The following SF3B1 variants were observed in gnomAD, a reference collection of about 807,000 sequenced individuals.
SF3B1 encodes the protein splicing factor 3b subunit 1.
SF3B1 carries 12 observed loss-of-function variants against 153.8 expected under a neutral mutation model. The observed-to-expected ratio is 0.08, with a 90% confidence interval of 0.05 to 0.13. The LOEUF (loss-of-function observed/expected upper bound fraction) is 0.13, where lower values mean the gene tolerates loss of function less well. Ranked by LOEUF, SF3B1 falls within the 10% of genes least tolerant of loss-of-function variation. SF3B1 has a pLI of 1.00. For missense variants in SF3B1, 513 were observed against 1,606.1 expected, an observed-to-expected ratio of 0.32 and a Z score of 11.63; for synonymous variants, 498 against 525.2, an observed-to-expected ratio of 0.95 and a Z score of 0.71.
In SF3B1 at chr2:197,401,663, T is replaced by A. The variant is rs2084938583; in HGVS notation, c.2370+79A>T. The A allele has an allele frequency of 1.3e-6, 2 of 1,520,244 alleles. No individual in the cohort carries two copies. The highest frequency in any genetic ancestry group is 1.8e-6 in the Non-Finnish European group (2 of 1,119,902). The allele number at this position is 1,520,244 out of a possible 1,614,324, so 94.2% of individuals were successfully genotyped here. On this transcript the variant is annotated intron_variant, in intron 16 of 24. Transcript: ENST00000335508. This position sits in a 1 kb window ranked among gnomAD's most constrained non-coding sequence, Gnocchi z 4.2. ...TCGTGTAACATACAGTTTTTTTTGTTGATTTTTAAAAACACTTTAAAATTC... is the reference window on the plus strand; with the variant it reads ...TCGTGTAACATACAGTTTTTTTTGTAGATTTTTAAAAACACTTTAAAATTC...
intron 1 of SF3B1, among the ~76,000 whole-genome samples, chr2:197,429,588 A>G (rs1381436705): frequency 1.3e-5 from 2 of 152,162 alleles, no homozygotes; most frequent in Non-Finnish European, 2.9e-5. Context: ...GTTCGAGACC[A>G]GTCTGGCCAA....
rs2085043917 is a variant in SF3B1 at position 197,409,949 on chromosome 2, C to T, written c.725G>A (p.Ser242Asn). 2.5e-6 allele frequency: 4 copies of T among 1,614,066 alleles called. No individual in the cohort carries two copies. In the East Asian group the frequency reaches 6.7e-5, roughly 27 times the overall value. ...GCCTGGGGTTGCTCCAGGAGTCTCG[C>T]TTCCCTTTGCACGACCTGGTGTCTC... is the stretch of plus-strand genomic sequence containing the variant. Reference protein sequence around the residue: ...WDETPGRAKGSETPGATPGSK... With the variant: ...WDETPGRAKGNETPGATPGSK... Residue 242 changes from serine (S) to asparagine (N), a missense_variant, in exon 7 of 25, where the codon AGC (serine) becomes AAC (asparagine). Physicochemically the swap from Ser to Asn is conservative, Grantham distance 46. Transcript: ENST00000335508.
intron 22 of SF3B1, among the ~76,000 whole-genome samples, chr2:197,397,186 A>G (rs937485843): frequency 1.3e-5 from 2 of 152,078 alleles, no homozygotes; most frequent in Non-Finnish European, 2.9e-5. Context: ...TGTTTTTTTT[A>G]GAGACAGGGT....
chr2:197,393,470 T>C (rs1574521867), intron 23 of SF3B1: 1 of 368,538 alleles, frequency 2.7e-6, no homozygotes, highest in East Asian at 5.8e-5. Context: ...TTTTTTTTTT[T>C]GAGACGGAGT....
intron 6 of SF3B1, among the ~76,000 whole-genome samples, chr2:197,414,718 C>T (rs1390990361): frequency 1.3e-5 from 2 of 152,060 alleles, no homozygotes; most frequent in Non-Finnish European, 1.5e-5. Flanking sequence ...GTACAAACAA[C>T]TCATTCAAGG....
chr2:197,427,021 C>G (rs1487911196), intron 1 of SF3B1, among the ~76,000 whole-genome samples: 1 of 152,172 alleles, frequency 6.6e-6, no homozygotes, highest in Non-Finnish European at 1.5e-5. Flanking sequence ...TTGGATAACA[C>G]TTATTCTGGA....
Position 197,415,795 on chromosome 2 carries a change from C to T in SF3B1, c.666+946G>A, listed in dbSNP as rs979049691. 2.0e-5 allele frequency among the ~76,000 whole-genome samples: 3 copies of T among 151,960 alleles called. No individual in the cohort carries two copies. The East Asian group carries it at 5.8e-4, about 29-fold the overall frequency. Reference sequence around the variant, plus strand: ...AAATACATTTCTAAGAAAGATTTTACAGATGCCATCGTTTTGTTTTTTTGA... The same window carrying T: ...AAATACATTTCTAAGAAAGATTTTATAGATGCCATCGTTTTGTTTTTTTGA... On this transcript the variant is annotated intron_variant, in intron 6 of 24. Coordinates refer to ENST00000335508, the MANE Select transcript of SF3B1 (RefSeq NM_012433.4).
Position 197,421,023 on chromosome 2 carries a change from GA to G in SF3B1, c.300+5del, listed in dbSNP as rs749377982. ...AATAAACTATGCTTTTAAAATGAAA[GA>G]TCACCTGTTCTGTTGACTGTGGTAT... On this transcript the variant is annotated splice_donor_5th_base_variant and intron_variant, in intron 3 of 24. Transcript: ENST00000335508. 5.2e-6 allele frequency: 8 copies of G among 1,551,192 alleles called. No individual in the cohort carries two copies. The Admixed American group carries it at 1.4e-4, about 28-fold the overall frequency.
At chr2:197,397,856 T>C in intron 22 of SF3B1, 129 bp downstream of exon 22, 1 of 574,792 alleles carries the variant, frequency 1.7e-6, no homozygotes, top group Non-Finnish European at 2.9e-6. Flanking sequence ...AGTGGTTAAA[T>C]GAAGAGCTTT....
In SF3B1 at chr2:197,402,562, C is replaced by A; in HGVS notation, c.2071G>T (p.Glu691Ter). Residue 691 changes from glutamate to a stop codon, truncating the protein, a stop_gained, in exon 14 of 25, where the codon GAA (glutamate) becomes TAA (stop). Coordinates refer to ENST00000335508, the MANE Select transcript of SF3B1 (RefSeq NM_012433.4). LOFTEE classifies it high-confidence loss of function. This position sits in a 1 kb window ranked among gnomAD's most constrained non-coding sequence, Gnocchi z 4.6. ...PHLRSLVEII[E>*]HGLVDEQQKV... ...AAGTTACATTACAACTTACCATGTT[C>A]AATGATTTCAACTAAACTTCTAAGA... 6.2e-7 allele frequency: 1 copy of A among 1,611,464 alleles called. No individual in the cohort carries two copies. Among genetic ancestry groups the A allele is most frequent in the South Asian group, 1.1e-5 (1 of 90,902 alleles).
At chr2:197,392,921 T>A (rs775041333) in intron 24 of SF3B1, 51 bp downstream of exon 24, 7 of 1,013,126 alleles carry the variant, frequency 6.9e-6, no homozygotes, top group Non-Finnish European at 1.0e-5. Flanking sequence ...GAACTTAAAG[T>A]ATTATTTAAA....
At chr2:197,432,459 G>C (rs2085454925) in intron 1 of SF3B1, among the ~76,000 whole-genome samples, 1 of 152,354 alleles carries the variant, frequency 6.6e-6, no homozygotes, top group Admixed American at 6.5e-5. Flanking sequence ...GATTTTATCT[G>C]ATTTGAGTAA....
rs2105985570 is a variant in SF3B1 at position 197,402,128 on chromosome 2, G to A, written c.2080C>T (p.Leu694Phe). 1 of 1,598,914 alleles carries A rather than the reference G, an allele frequency of 6.3e-7. No homozygotes were observed. The highest frequency in any genetic ancestry group is 1.3e-5 in the African/African-American group (1 of 74,230). Reference sequence around the variant, plus strand: ...CGAACTTTCTGCTGCTCATCCACAAGACCTACAAAACCAAACACAGGTTTT... The same window carrying A: ...CGAACTTTCTGCTGCTCATCCACAAAACCTACAAAACCAAACACAGGTTTT... ...RSLVEIIEHG[L>F]VDEQQKVRTI... The change falls in exon 15 of 25, where the codon CTT becomes TTT. Residue 694 changes from leucine to phenylalanine, a missense_variant and splice_region_variant. Around this residue, in one of 21 missense-constraint regions of SF3B1, gnomAD observed 50 missense variants for 236.5 expected, o/e 0.21. Transcript: ENST00000335508. This position sits in a 1 kb window ranked among gnomAD's most constrained non-coding sequence, Gnocchi z 4.6.
chr2:197,427,465 T>A, intron 1 of SF3B1, among the ~76,000 whole-genome samples: 1 of 152,174 alleles, frequency 6.6e-6, no homozygotes. Flanking sequence ...ATTATGCAAT[T>A]CAGAGAACTA....
intron 6 of SF3B1, among the ~76,000 whole-genome samples, chr2:197,416,254 T>C (rs1038177176): frequency 6.6e-6 from 1 of 152,132 alleles, no homozygotes; most frequent in African/African-American, 2.4e-5. Context: ...CACTATATCA[T>C]ACTCAACCTC....
At chr2:197,434,190 C>T (rs1574565472) in intron 1 of SF3B1, among the ~76,000 whole-genome samples, 1 of 152,174 alleles carries the variant, frequency 6.6e-6, no homozygotes, top group East Asian at 1.9e-4. Context: ...ACTTCTCATG[C>T]CTCGTCTTTT....
At chr2:197,431,767 A>G (rs1291012532) in intron 1 of SF3B1, among the ~76,000 whole-genome samples, 1 of 152,180 alleles carries the variant, frequency 6.6e-6, no homozygotes, top group African/African-American at 2.4e-5. Flanking sequence ...CTATAATATA[A>G]ATCATTTTAC....
intron 8 of SF3B1, 61 bp from the exon 9 acceptor site, chr2:197,408,180 T>C: frequency 1.4e-6 from 2 of 1,460,962 alleles, no homozygotes; most frequent in Non-Finnish European, 1.9e-6. Context: ...TTACATACAT[T>C]GAGATAAAAG....
intron 1 of SF3B1, among the ~76,000 whole-genome samples, chr2:197,427,787 G>A (rs543948213): frequency 1.7e-3 from 252 of 152,070 alleles, no homozygotes; most frequent in Non-Finnish European, 3.0e-3. Context: ...TTGGGAGGCC[G>A]AGGCGGGTGG....
Sources: gnomAD v4.1 joint callset for allele counts (sites outside exome capture counted in the v4.1 genomes callset) on GRCh38, gnomAD v4.1.1 for gene constraint, gnomAD v4.1.1 regional missense constraint, Gnocchi (gnomAD v3.1) non-coding constraint, MANE v1.5 for transcripts, NCBI Gene and HGNC (gene_info 2026-07-23, HGNC 2026-07-21) for gene names.